PLCB1: variants seen among roughly 807,000 people sequenced by gnomAD.
The protein encoded by PLCB1 is 1-phosphatidylinositol 4,5-bisphosphate phosphodiesterase beta-1.
Under a neutral mutation model 161.8 loss-of-function variants are expected in PLCB1, and 46 were observed. The ratio of observed to expected loss-of-function variants is 0.28; its 90% CI spans 0.22 to 0.36. The LOEUF (loss-of-function observed/expected upper bound fraction) is 0.36, where lower values mean the gene tolerates loss of function less well. Ranked by LOEUF, PLCB1 falls within the 10% of genes least tolerant of loss-of-function variation. The pLI, the probability that PLCB1 is intolerant of heterozygous loss-of-function variation, is 1.00. For missense variants in PLCB1, 1,016 were observed against 1,472.5 expected (o/e 0.69, Z 5.07); for synonymous variants, 517 against 503.7 (o/e 1.03, Z -0.35).
At chr20:8,652,968 GT>G (rs1300360922) in intron 7 of PLCB1, 1 of 152,036 alleles carries the variant, frequency 6.6e-6, no homozygotes, top group Non-Finnish European at 1.5e-5. Flanking sequence ...CTTGAAAACT[GT>G]TCCGTGTTCA....
chr20:8,206,460 G>A (rs1045432886), intron 2 of PLCB1, among the ~76,000 whole-genome samples: 17 of 152,136 alleles, frequency 1.1e-4, no homozygotes, highest in Admixed American at 3.3e-4. Context: ...CATTGTTATC[G>A]TTGCTACCTT....
intron 2 of PLCB1, among the ~76,000 whole-genome samples, chr20:8,259,523 G>C (rs971856800): frequency 2.6e-5 from 4 of 152,050 alleles, no homozygotes. Context: ...GGCTGAGGTG[G>C]GAGGATCGCT....
At chr20:8,763,519 G>A (rs6056074) in intron 25 of PLCB1, among the ~76,000 whole-genome samples, 39,111 of 152,084 alleles carry the variant, frequency 0.26, 5,432 homozygotes, top group Non-Finnish European at 0.32. Flanking sequence ...TCGAGCAGCT[G>A]GGATTATAGG....
chr20:8,771,574 A>C (rs1281430483), intron 26 of PLCB1, among the ~76,000 whole-genome samples: 1 of 152,048 alleles, frequency 6.6e-6, no homozygotes, highest in African/African-American at 2.4e-5. Context: ...AATTTCATGG[A>C]TCTTATACAA....
At chr20:8,621,448 T>C (rs1222072493) in intron 3 of PLCB1, among the ~76,000 whole-genome samples, 2 of 152,354 alleles carry the variant, frequency 1.3e-5, no homozygotes, top group Admixed American at 6.5e-5. Context: ...TGACTAGTTT[T>C]CAAATTGCTA....
intron 18 of PLCB1, among the ~76,000 whole-genome samples, chr20:8,730,064 C>G (rs984965299): frequency 6.6e-6 from 1 of 151,876 alleles, no homozygotes; most frequent in African/African-American, 2.4e-5. Flanking sequence ...ATATTCAGGA[C>G]TATCGTCAAT....
chr20:8,293,929 G>C (rs917701928), intron 2 of PLCB1, among the ~76,000 whole-genome samples: 1 of 152,118 alleles, frequency 6.6e-6, no homozygotes, highest in South Asian at 2.1e-4. Context: ...AGAAAAGATA[G>C]GTTCGTGTTG....
intron 3 of PLCB1, among the ~76,000 whole-genome samples, chr20:8,446,963 A>T (rs932146895): frequency 1.3e-5 from 2 of 152,208 alleles, no homozygotes; most frequent in African/African-American, 4.8e-5. Flanking sequence ...TCAAGGTTCA[A>T]AGAGGACTCG....
At chr20:8,263,252 T>G (rs144526188) in intron 2 of PLCB1, among the ~76,000 whole-genome samples, 3 of 152,260 alleles carry the variant, frequency 2.0e-5, no homozygotes, top group African/African-American at 7.2e-5. Flanking sequence ...TGGGTTAAAC[T>G]CTGGAGTAGT....
At chr20:8,595,091 C>G (rs528467372) in intron 3 of PLCB1, among the ~76,000 whole-genome samples, 17 of 152,122 alleles carry the variant, frequency 1.1e-4, no homozygotes, top group African/African-American at 4.1e-4. Context: ...TATGTCTATA[C>G]AAAATATTTA....
intron 2 of PLCB1, among the ~76,000 whole-genome samples, chr20:8,345,867 C>T (rs1456722467): frequency 6.6e-6 from 1 of 152,202 alleles, no homozygotes; most frequent in Non-Finnish European, 1.5e-5. Context: ...TCACTCTTTC[C>T]TCTTGACCCA....
chr20:8,447,708 G>A (rs1005776020), intron 3 of PLCB1, among the ~76,000 whole-genome samples: 2 of 152,188 alleles, frequency 1.3e-5, no homozygotes, highest in South Asian at 4.1e-4. Flanking sequence ...GTCCAACAAG[G>A]AAATAGGCTG....
chr20:8,260,849 C>T (rs1446760454), intron 2 of PLCB1, among the ~76,000 whole-genome samples: 2 of 152,148 alleles, frequency 1.3e-5, no homozygotes, highest in South Asian at 4.1e-4. Flanking sequence ...AAACTCATAG[C>T]TGCCCCCATT....
chr20:8,498,050 G>A (rs1222323656), intron 3 of PLCB1, among the ~76,000 whole-genome samples: 3 of 152,066 alleles, frequency 2.0e-5, no homozygotes, highest in African/African-American at 7.2e-5. Context: ...TAATAAAAGT[G>A]TATTCCTATA....
intron 31 of PLCB1, among the ~76,000 whole-genome samples, chr20:8,879,289 T>C (rs1423521652): frequency 7.8e-6 from 1 of 127,666 alleles, no homozygotes; most frequent in Non-Finnish European, 1.6e-5. Context: ...CACACACTTT[T>C]TGATGTGAAA....
chr20:8,378,925 C>G (rs886547988), intron 3 of PLCB1, among the ~76,000 whole-genome samples: 1 of 152,168 alleles, frequency 6.6e-6, no homozygotes, highest in East Asian at 1.9e-4. Context: ...AAAAGTAACC[C>G]CTTGTCTGTT....
chr20:8,268,141 G>A (rs189808348), intron 2 of PLCB1, among the ~76,000 whole-genome samples: 8 of 151,504 alleles, frequency 5.3e-5, no homozygotes, highest in South Asian at 2.1e-4. Flanking sequence ...GACCGGCCCC[G>A]GTGTGTGATG....
At chr20:8,569,613 A>C (rs1354501478) in intron 3 of PLCB1, among the ~76,000 whole-genome samples, 1 of 152,234 alleles carries the variant, frequency 6.6e-6, no homozygotes, top group Admixed American at 6.5e-5. Flanking sequence ...ATGTGTCCAC[A>C]AAAATAGGGA....
intron 2 of PLCB1, among the ~76,000 whole-genome samples, chr20:8,296,963 C>A (rs1045071492): frequency 6.6e-6 from 1 of 152,004 alleles, no homozygotes. Flanking sequence ...CAGTCGCAGC[C>A]TTTTCTATCT....
Sources: gnomAD v4.1 joint callset for allele counts (sites outside exome capture counted in the v4.1 genomes callset) on GRCh38, gnomAD v4.1.1 for gene constraint, MANE v1.5 for transcripts, NCBI Gene and HGNC (gene_info 2026-07-23, HGNC 2026-07-21) for gene names.